Variants in GRIP2 observed in about 807,000 individuals in gnomAD.
The protein encoded by GRIP2 is glutamate receptor interacting protein 2, also known as glutamate receptor-interacting protein 2.
GRIP2 carries 58 observed loss-of-function variants against 108.3 expected under a neutral mutation model. The observed-to-expected ratio is 0.54, with a 90% CI of 0.43 to 0.67. The LOEUF (loss-of-function observed/expected upper bound fraction) is 0.67. GRIP2 is among the 30% of genes least tolerant of loss of function. The pLI is 0.00. For missense variants in GRIP2, 1,278 were observed against 1,430.6 expected, an observed-to-expected ratio of 0.89 and a Z score of 1.72; for synonymous variants, 586 against 598.2, an observed-to-expected ratio of 0.98 and a Z score of 0.30.
At chr3:14,551,283 C>T (rs574123046) in intron 1 of GRIP2, among the ~76,000 whole-genome samples, 5 of 152,182 alleles carry the variant, frequency 3.3e-5, no homozygotes, top group African/African-American at 7.2e-5. Context: ...ACATTCAAGC[C>T]GACAGACAGA....
Position 14,505,760 on chromosome 3 carries a change from C to T in GRIP2, c.2428G>A (p.Gly810Ser). Residue 810 changes from glycine to serine, a missense_variant, in exon 20 of 24, where the codon GGC becomes AGC. Physicochemically the swap from Gly to Ser is moderately conservative, Grantham distance 56. Coordinates refer to ENST00000621039, the MANE Select transcript of GRIP2 (RefSeq NM_001080423.4). This position sits in a 1 kb window ranked among gnomAD's most constrained non-coding sequence, Gnocchi z 4.2. ...GGCCTCCGCTCCTGGGGGGTCGTGCCCCGGGCTGCTGCCTGTGGTGTATAG... is the reference window on the plus strand; with the variant it reads ...GGCCTCCGCTCCTGGGGGGTCGTGCTCCGGGCTGCTGCCTGTGGTGTATAG... ...GSYTPQAAAR[G>S]TTPQERRPGW... is the part of the protein sequence containing the mutation. 2 of 1,570,106 alleles carry T rather than the reference C, an allele frequency of 1.3e-6. No individual in the cohort carries two copies. Among genetic ancestry groups the T allele is most frequent in the Non-Finnish European group, 8.6e-7 (1 of 1,157,936 alleles).
At chr3:14,517,282 T>C in intron 10 of GRIP2, 69 bp from the exon 11 acceptor site, 1 of 1,447,250 alleles carries the variant, frequency 6.9e-7, no homozygotes, top group Non-Finnish European at 9.2e-7. Flanking sequence ...CAGTGGGTGC[T>C]GGGAAGCCAC....
chr3:14,599,681 C>CTGTGTGTGTGTGTG, the GRIP2 span, among the ~76,000 whole-genome samples: 424 of 130,516 alleles, frequency 3.2e-3, 1 homozygote, highest in African/African-American at 0.012. Flanking sequence ...CTCTCTCTCT[C>CTGTGTGTGTGTGTG]TCTCTGTGTG....
At chr3:14,574,351 T>C in the GRIP2 span, 141 of 987,010 alleles carry the variant, frequency 1.4e-4, no homozygotes, top group African/African-American at 2.0e-3. Flanking sequence ...GGCACAGCGA[T>C]GCGCTGGTTC....
intron 1 of GRIP2, among the ~76,000 whole-genome samples, chr3:14,552,556 A>C (rs979682711): frequency 1.3e-5 from 2 of 151,676 alleles, no homozygotes. Flanking sequence ...GGTCCCACCC[A>C]AGACTCCTTC....
rs534888071 is a variant in GRIP2, at chr3:14,509,258, T to G, written c.2078+562A>C. ...CTGTGCTGGGAGCTCACCGCTTCCT[T>G]GCCTGCCGGATTCATCCCTGCCCAG... On this transcript the variant is annotated intron_variant, in intron 17 of 23. Coordinates refer to ENST00000621039, the MANE Select transcript of GRIP2 (RefSeq NM_001080423.4). Among the ~76,000 whole-genome samples, 272 of 152,334 alleles carry G rather than the reference T, an allele frequency of 1.8e-3. 3 individuals carry two copies. The highest frequency in any genetic ancestry group is 6.4e-3 in the African/African-American group (265 of 41,580).
In GRIP2 at chr3:14,496,416, C is replaced by T; in HGVS notation, c.2823+1G>A. The T allele has an allele frequency of 6.2e-7, 1 of 1,609,320 alleles. No individual in the cohort carries two copies. Among genetic ancestry groups the T allele is most frequent in the Non-Finnish European group, 8.5e-7 (1 of 1,177,330 alleles). ...CTCCTGTGCTCACCCCCTGTGCCTA[C>T]CTTGTGCATCTCCAAGGGTGTAGGC... On this transcript the variant is annotated splice_donor_variant, in intron 22 of 23. Coordinates refer to ENST00000621039, the MANE Select transcript of GRIP2 (RefSeq NM_001080423.4). LOFTEE classifies it high-confidence loss of function.
At chr3:14,541,895 GGCAGTGGTCAGGGAGAGGCTC>G (rs1489558450), upstream of GRIP2, 2 of 1,339,536 alleles carry the variant, frequency 1.5e-6, no homozygotes, top group Non-Finnish European at 2.0e-6. Context: ...CCGGTACCCT[GGCAGTGGTCAGGGAGAGGCTC>G]GCCATGAAGA....
rs1701319035 is a variant in GRIP2, at chr3:14,490,813, C to A, written c.*2852G>T. The A allele has an allele frequency of 6.6e-6, 1 of 152,276 alleles. No individual in the cohort carries two copies. Among genetic ancestry groups the A allele is most frequent in the Non-Finnish European group, 1.5e-5 (1 of 68,056 alleles). The allele number at this position is 152,276 out of a possible 1,614,324, so 9.4% of individuals were successfully genotyped here. A position where few individuals can be genotyped will look rare whatever the true frequency, so the allele number is the denominator to read the frequency against. On this transcript the variant is annotated 3_prime_UTR_variant, in exon 24 of 24. Coordinates refer to ENST00000621039, the MANE Select transcript of GRIP2 (RefSeq NM_001080423.4). ...GGTCTCCATGGAGGCTGGCTCCTGT[C>A]TTCAGGTCTCATTGCAAATGTCGCC...
Position 14,521,440 on chromosome 3 carries a change from T to C in GRIP2, c.712+202A>G. On this transcript the variant is annotated intron_variant, in intron 7 of 23. Coordinates refer to ENST00000621039, the MANE Select transcript of GRIP2 (RefSeq NM_001080423.4). This position sits in a 1 kb window ranked among gnomAD's most constrained non-coding sequence, Gnocchi z 5.1. ...TGCCAGCTCCATGAGAACAGACACC[T>C]CAATTCTGTTGTTCTAGGCTGGATC... 1.8e-6 allele frequency: 1 copy of C among 564,820 alleles called. No individual in the cohort carries two copies. The highest frequency in any genetic ancestry group is 1.9e-5 in the African/African-American group (1 of 51,812). 35.0% of individuals were successfully genotyped at this position (564,820 alleles called of 1,614,324 possible). A position where few individuals can be genotyped will look rare whatever the true frequency, so the allele number is the denominator to read the frequency against.
the GRIP2 span, among the ~76,000 whole-genome samples, chr3:14,584,515 C>T: frequency 6.6e-6 from 1 of 152,130 alleles, no homozygotes; most frequent in Non-Finnish European, 1.5e-5. Context: ...AAACAACTTG[C>T]GGGGAAGGTG....
chr3:14,561,401 C>T, the GRIP2 span, among the ~76,000 whole-genome samples: 1 of 152,202 alleles, frequency 6.6e-6, no homozygotes, highest in Non-Finnish European at 1.5e-5. Context: ...GTTCATCCTC[C>T]CTATAGCATT....
At chr3:14,517,921 AAG>A (rs767273864) in intron 9 of GRIP2, 24 bp from the exon 10 acceptor site, 3 of 1,524,160 alleles carry the variant, frequency 2.0e-6, no homozygotes, top group Non-Finnish European at 2.6e-6. Flanking sequence ...AGAAAGAGGA[AAG>A]AGAGGTGCAG....
At position 14,491,371 on chromosome 3, in the gene GRIP2, A is replaced by G. The variant is rs1213155948; in HGVS notation, c.*2294T>C. 6.6e-6 allele frequency: 1 copy of G among 152,270 alleles called. No individual in the cohort carries two copies. Among genetic ancestry groups the G allele is most frequent in the Non-Finnish European group, 1.5e-5 (1 of 68,066 alleles). The allele number at this position is 152,270 out of a possible 1,614,324, so 9.4% of individuals were successfully genotyped here. ...TTTACAAGGAATGTGTTCTAATCTCAGCCAGAGAAAAATACAGCTTTGGGG... is the reference window on the plus strand; with the variant it reads ...TTTACAAGGAATGTGTTCTAATCTCGGCCAGAGAAAAATACAGCTTTGGGG... On this transcript the variant is annotated 3_prime_UTR_variant, in exon 24 of 24. Coordinates refer to ENST00000621039, the MANE Select transcript of GRIP2 (RefSeq NM_001080423.4).
chr3:14,560,550 G>A (rs976393478), upstream of GRIP2, among the ~76,000 whole-genome samples: 3 of 152,170 alleles, frequency 2.0e-5, no homozygotes, highest in Admixed American at 1.3e-4. Context: ...AACCCAGTGA[G>A]ATGCTATTCT....
At chr3:14,573,115 C>T in the GRIP2 span, 9 of 1,431,978 alleles carry the variant, frequency 6.3e-6, no homozygotes, top group East Asian at 2.3e-5. Flanking sequence ...GCAAAGTTGT[C>T]GATCCAGGGC....
Position 14,511,086 on chromosome 3 carries a change from G to A in GRIP2, c.1933+79C>T, listed in dbSNP as rs1694075720. 1.3e-6 allele frequency: 2 copies of A among 1,535,474 alleles called. No homozygotes were observed. On this transcript the variant is annotated intron_variant, in intron 16 of 23. Coordinates refer to ENST00000621039, the MANE Select transcript of GRIP2 (RefSeq NM_001080423.4). The surrounding 1 kb of genome is among the most constrained non-coding windows in gnomAD (Gnocchi z 4.1). ...CCACCCTCCCTTCCTCGGCTGGAGGGAGCCCTGAATTGCAAGCTGGGAACC... is the reference window on the plus strand; with the variant it reads ...CCACCCTCCCTTCCTCGGCTGGAGGAAGCCCTGAATTGCAAGCTGGGAACC...
chr3:14,503,108 C>T (rs917814673), intron 21 of GRIP2, among the ~76,000 whole-genome samples: 2 of 152,194 alleles, frequency 1.3e-5, no homozygotes, highest in Non-Finnish European at 2.9e-5. Context: ...TCTCCTGTGT[C>T]GTCACTGATG....
In GRIP2 at chr3:14,517,520, T is replaced by A. The variant is rs889149040; in HGVS notation, c.1156+252A>T. ...TTTTTTTTTTTTTTTTTTTTTTTTT[T>A]AGTTGAGGTCTCGCTCTGTCACCCA... is the stretch of plus-strand genomic sequence containing the variant. On this transcript the variant is annotated intron_variant, in intron 10 of 23. Coordinates refer to ENST00000621039, the MANE Select transcript of GRIP2 (RefSeq NM_001080423.4). Among the ~76,000 whole-genome samples, 29 of 106,772 alleles carry A rather than the reference T, an allele frequency of 2.7e-4. 1 individual carries two copies. The highest frequency in any genetic ancestry group is 4.5e-4 in the Non-Finnish European group (24 of 53,314). 70.0% of individuals were successfully genotyped at this position (106,772 alleles called of 152,430 possible). A position where few individuals can be genotyped will look rare whatever the true frequency, so the allele number is the denominator to read the frequency against.
Sources: gnomAD v4.1 joint callset for allele counts (sites outside exome capture counted in the v4.1 genomes callset) on GRCh38, gnomAD v4.1.1 for gene constraint, Gnocchi (gnomAD v3.1) non-coding constraint, MANE v1.5 for transcripts, NCBI Gene and HGNC (gene_info 2026-07-23, HGNC 2026-07-21) for gene names.